FRMD5: variants seen among roughly 807,000 people sequenced by gnomAD.
FRMD5 encodes FERM domain containing 5, also known as FERM domain-containing protein 5.
A neutral mutation model predicts 69.0 loss-of-function variants in FRMD5; 20 were observed. The ratio of observed to expected loss-of-function variants is 0.29; its 90% confidence interval spans 0.20 to 0.42. The LOEUF is 0.42. Among genes scored for constraint, FRMD5 ranks in the 10% least tolerant of loss-of-function variants. The probability of loss-of-function intolerance (pLI) is 1.00; values close to 1 mark genes in which losing one functional copy is unlikely to be tolerated. For synonymous variants in FRMD5, 271 were observed against 260.1 expected, an observed-to-expected ratio of 1.04 and a Z score of -0.40; for missense variants, 595 against 708.6, an observed-to-expected ratio of 0.84 and a Z score of 1.82.
intron 1 of FRMD5, among the ~76,000 whole-genome samples, chr15:43,928,114 A>C (rs1396694768): frequency 6.6e-6 from 1 of 152,158 alleles, no homozygotes; most frequent in Non-Finnish European, 1.5e-5. Context: ...AGCTACATAA[A>C]AAAGACCTTT....
At chr15:44,197,695 A>AAG (rs1555414798), upstream of FRMD5, among the ~76,000 whole-genome samples, 1 of 150,790 alleles carries the variant, frequency 6.6e-6, no homozygotes, top group African/African-American at 2.5e-5. Context: ...AAAAAAAAAA[A>AAG]AAAGAAAGAA....
At chr15:43,909,820 C>A in intron 5 of FRMD5, 62 bp downstream of exon 5, 5 of 998,790 alleles carry the variant, frequency 5.0e-6, no homozygotes, top group Non-Finnish European at 6.3e-6. Flanking sequence ...TCAGTGCTAA[C>A]TGAAAATAAT....
In FRMD5 at chr15:43,873,016, T is replaced by TATCTA; in HGVS notation, c.*864_*868dup. ...CTTTGTCCAACATTTCTGACAGAACTATCTATCTCTGGTACCACTGAATTC... is the reference window on the plus strand; with the variant it reads ...CTTTGTCCAACATTTCTGACAGAACTATCTAATCTATCTCTGGTACCACTGAATTC... On this transcript the variant is annotated 3_prime_UTR_variant, in exon 14 of 14. Coordinates refer to ENST00000417257, the MANE Select transcript of FRMD5 (RefSeq NM_032892.5). 1 of 623,996 alleles carries TATCTA rather than the reference T, an allele frequency of 1.6e-6. No individual in the cohort carries two copies. Among genetic ancestry groups the TATCTA allele is most frequent in the Middle Eastern group, 3.5e-4 (1 of 2,834 alleles). 38.7% of individuals were successfully genotyped at this position (623,996 alleles called of 1,614,324 possible).
At chr15:43,909,855 C>T (rs1476461285) in intron 5 of FRMD5, 27 bp downstream of exon 5, 2 of 1,438,794 alleles carry the variant, frequency 1.4e-6, no homozygotes, top group East Asian at 4.6e-5. Flanking sequence ...GCATGAAAAG[C>T]AAACTTATCC....
intron 1 of FRMD5, among the ~76,000 whole-genome samples, chr15:43,990,366 A>G (rs1055758582): frequency 2.0e-5 from 3 of 152,166 alleles, no homozygotes; most frequent in African/African-American, 4.8e-5. Flanking sequence ...CAAACCTGCA[A>G]TATCTCTGAG....
At chr15:44,132,937 A>G (rs2077124803) in intron 1 of FRMD5, among the ~76,000 whole-genome samples, 2 of 151,142 alleles carry the variant, frequency 1.3e-5, no homozygotes, top group Admixed American at 1.3e-4. Flanking sequence ...TAATTTTTGT[A>G]CTTTTAGTAG....
chr15:44,014,385 T>C (rs1402981528), intron 1 of FRMD5, among the ~76,000 whole-genome samples: 3 of 152,192 alleles, frequency 2.0e-5, no homozygotes, highest in Non-Finnish European at 4.4e-5. Context: ...TTTTTAGCTA[T>C]GAGATGTCAG....
intron 1 of FRMD5, among the ~76,000 whole-genome samples, chr15:44,040,148 C>G (rs1441592317): frequency 6.6e-6 from 1 of 151,824 alleles, no homozygotes; most frequent in African/African-American, 2.4e-5. Flanking sequence ...AGAAAGCCCC[C>G]AAGAAATATG....
intron 13 of FRMD5, among the ~76,000 whole-genome samples, chr15:43,881,722 A>G (rs2088535469): frequency 1.3e-5 from 2 of 152,130 alleles, no homozygotes; most frequent in African/African-American, 4.8e-5. Context: ...TCCCTATTTT[A>G]CAAATGGAGC....
At chr15:44,044,619 T>C (rs1344658003) in intron 1 of FRMD5, among the ~76,000 whole-genome samples, 1 of 152,142 alleles carries the variant, frequency 6.6e-6, no homozygotes, top group South Asian at 2.1e-4. Context: ...TGCAGGGACA[T>C]GGATGAAGCT....
chr15:44,177,202 C>T (rs1308069218), intron 1 of FRMD5, among the ~76,000 whole-genome samples: 2 of 152,018 alleles, frequency 1.3e-5, no homozygotes, highest in East Asian at 1.9e-4. Context: ...TACTTCCACA[C>T]AAAAACTTGT....
chr15:43,919,829 A>G lies in FRMD5; in HGVS notation c.208-20T>C, dbSNP rs1305584259. The G allele has an allele frequency of 3.7e-6, 6 of 1,610,960 alleles. No individual in the cohort carries two copies. Among genetic ancestry groups the G allele is most frequent in the Non-Finnish European group, 4.2e-6 (5 of 1,177,200 alleles). ...CCAATGCTGAAACAGAGAACACAGAACATGAAAACCCTAATGAGAAGGGCT... is the reference window on the plus strand; with the variant it reads ...CCAATGCTGAAACAGAGAACACAGAGCATGAAAACCCTAATGAGAAGGGCT... On this transcript the variant is annotated intron_variant, in intron 2 of 13. Transcript: ENST00000417257.
rs547236597 is a variant in FRMD5, at chr15:44,144,784, A to T, written c.102+50169T>A. On this transcript the variant is annotated intron_variant, in intron 1 of 13. Coordinates refer to ENST00000417257, the MANE Select transcript of FRMD5 (RefSeq NM_032892.5). ...AACAAAATTCTTCCAGAAGGGGGAA[A>T]CTGCAACGGAGTGAGTCAAGTCCTT... Among the ~76,000 whole-genome samples the T allele has an allele frequency of 6.6e-4, 100 of 152,328 alleles. 1 individual carries two copies. The highest frequency in any genetic ancestry group is 3.4e-3 in the Middle Eastern group (1 of 294).
chr15:44,101,085 G>T (rs1042592831), intron 1 of FRMD5, among the ~76,000 whole-genome samples: 1 of 151,398 alleles, frequency 6.6e-6, no homozygotes, highest in African/African-American at 2.4e-5. Flanking sequence ...GGAGGCGGAG[G>T]TTGCAGTGAG....
At chr15:43,986,184 G>A (rs1889385054) in intron 1 of FRMD5, among the ~76,000 whole-genome samples, 1 of 152,224 alleles carries the variant, frequency 6.6e-6, no homozygotes, top group African/African-American at 2.4e-5. Flanking sequence ...TTCACAGTCT[G>A]TCGGTGACTA....
intron 1 of FRMD5, among the ~76,000 whole-genome samples, chr15:44,170,899 AG>A (rs2077790931): frequency 6.6e-6 from 1 of 152,222 alleles, no homozygotes; most frequent in Non-Finnish European, 1.5e-5. Flanking sequence ...CGATTTTTAC[AG>A]TTTATTTTAA....
intron 1 of FRMD5, among the ~76,000 whole-genome samples, chr15:44,131,999 G>T (rs1228603176): frequency 6.6e-6 from 1 of 152,120 alleles, no homozygotes; most frequent in Non-Finnish European, 1.5e-5. Flanking sequence ...ATATGTAGAA[G>T]CAGTAGGAGC....
intron 1 of FRMD5, among the ~76,000 whole-genome samples, chr15:44,192,630 G>A (rs2078215079): frequency 6.6e-6 from 1 of 152,090 alleles, no homozygotes; most frequent in Non-Finnish European, 1.5e-5. Context: ...GAAGGGAAAA[G>A]CTGATAAGAA....
rs548852795 is a variant in FRMD5, at chr15:44,018,251, G to A, written c.103-93942C>T. On this transcript the variant is annotated intron_variant, in intron 1 of 13. Transcript: ENST00000417257. ...CTTTTGACGAAAGTTAATATAAATG[G>A]AATACATAAACATAAACTATCATTC... Among the ~76,000 whole-genome samples, 7 of 152,236 alleles carry A rather than the reference G, an allele frequency of 4.6e-5. No homozygotes were observed. The East Asian group carries it at 9.6e-4, about 21-fold the overall frequency.
Sources: gnomAD v4.1 joint callset for allele counts (sites outside exome capture counted in the v4.1 genomes callset) on GRCh38, gnomAD v4.1.1 for gene constraint, MANE v1.5 for transcripts, NCBI Gene and HGNC (gene_info 2026-07-23, HGNC 2026-07-21) for gene names.